The following CDH23 variants were observed in gnomAD, a reference collection of about 807,000 sequenced individuals.
CDH23 encodes the protein cadherin related 23.
A neutral mutation model predicts 317.1 loss-of-function variants in CDH23; 189 were observed. The ratio of observed to expected loss-of-function variants is 0.60; its 90% confidence interval spans 0.53 to 0.67. The LOEUF is 0.67. CDH23 is among the 30% of genes least tolerant of loss of function. The probability of loss-of-function intolerance (pLI) is 0.00; values close to 1 mark genes in which losing one functional copy is unlikely to be tolerated. For missense variants in CDH23, 4,401 were observed against 4,592.4 expected (o/e 0.96, Z 1.20); for synonymous variants, 1,839 against 1,876.8 (o/e 0.98, Z 0.52).
chr10:71,609,641 A>G (rs1049930236), intron 9 of CDH23, among the ~76,000 whole-genome samples: 1 of 151,780 alleles, frequency 6.6e-6, no homozygotes, highest in Non-Finnish European at 1.5e-5. Context: ...TTTCCCATCT[A>G]CCTCTCTGGC....
At chr10:71,760,364 T>C (rs954885711) in intron 38 of CDH23, 1 of 151,744 alleles carries the variant, frequency 6.6e-6, no homozygotes, top group African/African-American at 2.4e-5. Flanking sequence ...AAAGACTTAG[T>C]CCAGTGCCCA....
intron 1 of CDH23, among the ~76,000 whole-genome samples, chr10:71,408,155 T>C (rs1282021808): frequency 1.3e-5 from 2 of 152,190 alleles, no homozygotes; most frequent in Non-Finnish European, 2.9e-5. Context: ...GATGTAACTC[T>C]TTATGCTCAC....
At chr10:71,398,068 G>C (rs533105036) in intron 1 of CDH23, among the ~76,000 whole-genome samples, 1 of 152,286 alleles carries the variant, frequency 6.6e-6, no homozygotes, top group Admixed American at 6.5e-5. Context: ...CTCGAGCAGA[G>C]CCCGCGTGTT....
intron 9 of CDH23, among the ~76,000 whole-genome samples, chr10:71,590,106 A>T (rs1418364643): frequency 6.6e-6 from 1 of 152,138 alleles, no homozygotes; most frequent in African/African-American, 2.4e-5. Context: ...CACTGGGTCT[A>T]CCTCTGGACT....
At chr10:71,717,847 A>G (rs1318377883) in intron 28 of CDH23, 1 of 152,194 alleles carries the variant, frequency 6.6e-6, no homozygotes, top group African/African-American at 2.4e-5. Flanking sequence ...AAGGCAAGAA[A>G]GAAGAGAGGT....
intron 24 of CDH23, 83 bp downstream of exon 24, chr10:71,702,777 C>T (rs1444645554): frequency 4.1e-5 from 62 of 1,522,836 alleles, no homozygotes; most frequent in Non-Finnish European, 5.0e-5. Flanking sequence ...GAAAACTTTG[C>T]AGGGCTGGGG....
At chr10:71,720,926 G>T (rs1866528384) in intron 28 of CDH23, among the ~76,000 whole-genome samples, 4 of 152,200 alleles carry the variant, frequency 2.6e-5, no homozygotes. Flanking sequence ...AGGCATCCAG[G>T]GTAGGCAAAG....
At chr10:71,689,032 TCAGGGGTGGTGGAGC>T (rs1564733854) in intron 19 of CDH23, among the ~76,000 whole-genome samples, 1 of 11,270 alleles carries the variant, frequency 8.9e-5, no homozygotes, top group Non-Finnish European at 2.0e-4. Flanking sequence ...GGTGGTGGAG[TCAGGGGTGGTGGAGC>T]CAGGGATGGT....
chr10:71,485,639 C>G (rs1852308234), intron 3 of CDH23, among the ~76,000 whole-genome samples: 1 of 152,230 alleles, frequency 6.6e-6, no homozygotes, highest in Non-Finnish European at 1.5e-5. Context: ...ATGATTCATG[C>G]CCCGAGGCAG....
chr10:71,449,216 G>A (rs947913477), intron 3 of CDH23, among the ~76,000 whole-genome samples: 1 of 152,210 alleles, frequency 6.6e-6, no homozygotes, highest in Non-Finnish European at 1.5e-5. Flanking sequence ...AGATAAGCTG[G>A]GTCCAGGGTG....
At position 71,397,652 on chromosome 10, in the gene CDH23, C is replaced by G. The variant is rs1847584876; in HGVS notation, c.-6+334C>G. ...TTTGGGGGCTTTGCTCTCGGCGCTA[C>G]GGAGAGGGTCCAGGTCTGGGGTGGA... On this transcript the variant is annotated intron_variant, in intron 1 of 69. Coordinates refer to ENST00000224721, the MANE Select transcript of CDH23 (RefSeq NM_022124.6). This position sits in a 1 kb window ranked among gnomAD's most constrained non-coding sequence, Gnocchi z 4.8. Among the ~76,000 whole-genome samples the G allele has an allele frequency of 6.6e-6, 1 of 152,084 alleles. No individual in the cohort carries two copies. Among genetic ancestry groups the G allele is most frequent in the Non-Finnish European group, 1.5e-5 (1 of 67,994 alleles).
In CDH23 at chr10:71,531,878, AG is replaced by A. The variant is rs548114375; in HGVS notation, c.429+20670del. Among the ~76,000 whole-genome samples, 397 of 152,286 alleles carry A rather than the reference AG, an allele frequency of 2.6e-3. 1 individual carries two copies. The highest frequency in any genetic ancestry group is 9.0e-3 in the African/African-American group (375 of 41,564). ...CTGAATGTGTGATTCAGAGCCAAAG[AG>A]GGGAACAACAGTGTCAGTGATTCCA... is the stretch of plus-strand genomic sequence containing the variant. On this transcript the variant is annotated intron_variant, in intron 6 of 69. Coordinates refer to ENST00000224721, the MANE Select transcript of CDH23 (RefSeq NM_022124.6).
chr10:71,513,713 T>C (rs1456889295), intron 6 of CDH23, among the ~76,000 whole-genome samples: 1 of 152,168 alleles, frequency 6.6e-6, no homozygotes, highest in Non-Finnish European at 1.5e-5. Flanking sequence ...ACCTGGGTTC[T>C]AGTCTGCTGG....
intron 3 of CDH23, among the ~76,000 whole-genome samples, chr10:71,462,134 A>G (rs12782689): frequency 0.4 from 61,251 of 152,074 alleles, 13,431 homozygotes; most frequent in East Asian, 0.6. Context: ...TTATCATCGG[A>G]TAGCAGATGT....
chr10:71,468,331 G>A (rs1851352150), intron 3 of CDH23, among the ~76,000 whole-genome samples: 1 of 152,124 alleles, frequency 6.6e-6, no homozygotes, highest in African/African-American at 2.4e-5. Context: ...ATAAATGCAG[G>A]GTCTTTGAAG....
chr10:71,437,001 T>C (rs1273108514), intron 1 of CDH23, among the ~76,000 whole-genome samples: 1 of 152,220 alleles, frequency 6.6e-6, no homozygotes, highest in Non-Finnish European at 1.5e-5. Context: ...AGATGGAAAG[T>C]GGTTTGAACA....
chr10:71,724,093 C>T lies in CDH23; in HGVS notation c.3418C>T (p.Arg1140Cys), dbSNP rs1028372084. 5.1e-6 allele frequency: 8 copies of T among 1,558,658 alleles called. No individual in the cohort carries two copies. Among genetic ancestry groups the T allele is most frequent in the South Asian group, 2.4e-5 (2 of 84,370 alleles). ...GGGCGAGTTTGGGCGTGTGTGGTAC[C>T]GCATCCTCCATGGTAAGTGGGGCTG... Reference protein sequence around the residue: ...DEGEFGRVWYRILHGNHGNNF... With the variant: ...DEGEFGRVWYCILHGNHGNNF... The change falls in exon 29 of 70, where the codon CGC becomes TGC. Residue 1140 changes from arginine (R) to cysteine (C), a missense_variant. Physicochemically the swap from Arg to Cys is radical, Grantham distance 180 (BLOSUM62 -3). Around this residue, in one of 3 missense-constraint regions of CDH23, gnomAD observed 3,068 missense variants for 3,203.3 expected, o/e 0.96. Transcript: ENST00000224721.
At chr10:71,609,825 A>T (rs1860752693) in intron 9 of CDH23, among the ~76,000 whole-genome samples, 1 of 152,096 alleles carries the variant, frequency 6.6e-6, no homozygotes, top group Non-Finnish European at 1.5e-5. Flanking sequence ...TTCCCCCACC[A>T]GTCCCCATGG....
intron 1 of CDH23, among the ~76,000 whole-genome samples, chr10:71,399,343 T>G (rs1429999457): frequency 1.3e-5 from 2 of 152,172 alleles, no homozygotes; most frequent in Non-Finnish European, 2.9e-5. Context: ...ATGTGCTCAG[T>G]AAAGTTTGAG....
Sources: allele counts gnomAD v4.1 joint callset (sites outside exome capture counted in the v4.1 genomes callset), GRCh38; gene constraint gnomAD v4.1.1; regional missense constraint gnomAD v4.1.1; non-coding constraint Gnocchi (gnomAD v3.1); transcripts MANE v1.5; gene names NCBI Gene and HGNC (gene_info 2026-07-23, HGNC 2026-07-21).